The following CNTN5 variants were observed in gnomAD, a reference collection of about 807,000 sequenced individuals.
CNTN5 encodes contactin-5.
A neutral mutation model predicts 129.1 loss-of-function variants in CNTN5; 77 were observed. The observed-to-expected ratio is 0.60, with a 90% confidence interval of 0.50 to 0.72. The LOEUF is 0.72. Ranked by LOEUF, CNTN5 falls within the 30% of genes least tolerant of loss-of-function variation. The pLI is 0.00. For missense variants in CNTN5, 1,478 were observed against 1,328.8 expected (o/e 1.11, Z -1.75); for synonymous variants, 509 against 465.6 (o/e 1.09, Z -1.20).
intron 13 of CNTN5, among the ~76,000 whole-genome samples, chr11:100,119,067 C>G (rs1945930180): frequency 6.6e-6 from 1 of 151,310 alleles, no homozygotes; most frequent in Non-Finnish European, 1.5e-5. Context: ...AAAGAATATA[C>G]CAGACATTCT....
chr11:100,290,223 C>A (rs553542148), intron 18 of CNTN5, among the ~76,000 whole-genome samples: 3 of 151,622 alleles, frequency 2.0e-5, no homozygotes, highest in East Asian at 1.9e-4. Context: ...ATCAAGCTAC[C>A]AATGCCTTTC....
At chr11:99,180,998 G>C (rs541497400) in intron 1 of CNTN5, among the ~76,000 whole-genome samples, 1 of 152,310 alleles carries the variant, frequency 6.6e-6, no homozygotes, top group Non-Finnish European at 1.5e-5. Flanking sequence ...CGTAAGTCCA[G>C]TGCTACTATC....
intron 18 of CNTN5, among the ~76,000 whole-genome samples, chr11:100,289,737 A>G (rs1462964632): frequency 2.0e-5 from 3 of 150,508 alleles, no homozygotes; most frequent in Non-Finnish European, 4.4e-5. Flanking sequence ...CCTATTCAAC[A>G]TAGTGTTGGA....
intron 4 of CNTN5, among the ~76,000 whole-genome samples, chr11:99,835,530 T>G (rs1307103092): frequency 2.6e-5 from 4 of 152,006 alleles, no homozygotes; most frequent in Non-Finnish European, 4.4e-5. Flanking sequence ...ATTACATGAG[T>G]CTATAGTGAA....
At chr11:100,158,766 A>T (rs1947341491) in intron 13 of CNTN5, among the ~76,000 whole-genome samples, 1 of 151,898 alleles carries the variant, frequency 6.6e-6, no homozygotes, top group South Asian at 2.1e-4. Flanking sequence ...ACCACTCCAG[A>T]GACAGTTTGG....
intron 3 of CNTN5, among the ~76,000 whole-genome samples, chr11:99,807,876 C>G (rs185940232): frequency 6.6e-6 from 1 of 151,900 alleles, no homozygotes; most frequent in Admixed American, 6.6e-5. Flanking sequence ...TTCTGTAGTG[C>G]GCATATATTT....
At chr11:100,130,482 C>T (rs1946340075) in intron 13 of CNTN5, among the ~76,000 whole-genome samples, 1 of 152,012 alleles carries the variant, frequency 6.6e-6, no homozygotes, top group Non-Finnish European at 1.5e-5. Context: ...TATAAAAGTA[C>T]TGAAGTGAGA....
At chr11:100,344,449 T>C (rs1952234944) in intron 23 of CNTN5, among the ~76,000 whole-genome samples, 1 of 152,006 alleles carries the variant, frequency 6.6e-6, no homozygotes, top group South Asian at 2.1e-4. Flanking sequence ...AGAAACTGGA[T>C]CTCATAAAGA....
chr11:99,435,436 T>C (rs1325191358), intron 2 of CNTN5, among the ~76,000 whole-genome samples: 1 of 152,176 alleles, frequency 6.6e-6, no homozygotes, highest in Non-Finnish European at 1.5e-5. Flanking sequence ...ACAGGGGTTC[T>C]ACACACTAGC....
intron 3 of CNTN5, among the ~76,000 whole-genome samples, chr11:99,785,090 A>T (rs1945469862): frequency 6.6e-6 from 1 of 151,980 alleles, no homozygotes; most frequent in Non-Finnish European, 1.5e-5. Context: ...AAGTGCTGGG[A>T]TTACAGGCGT....
chr11:99,860,948 T>TATGTCTTC (rs1948184265), intron 6 of CNTN5, among the ~76,000 whole-genome samples: 1 of 108,382 alleles, frequency 9.2e-6, no homozygotes, highest in African/African-American at 3.4e-5. Flanking sequence ...GAATATGTCT[T>TATGTCTTC]CATTTTTTTT....
At chr11:99,239,418 A>C (rs1333463162) in intron 1 of CNTN5, among the ~76,000 whole-genome samples, 1 of 152,326 alleles carries the variant, frequency 6.6e-6, no homozygotes, top group African/African-American at 2.4e-5. Context: ...TTAATGGAAC[A>C]TTTTTTGATA....
chr11:100,233,577 A>G (rs1043534931), intron 16 of CNTN5, among the ~76,000 whole-genome samples: 9 of 152,182 alleles, frequency 5.9e-5, no homozygotes, highest in African/African-American at 1.9e-4. Flanking sequence ...ATGACTTTCT[A>G]TGTTACACCT....
At chr11:99,537,207 G>A (rs1406026512) in intron 2 of CNTN5, among the ~76,000 whole-genome samples, 2 of 152,158 alleles carry the variant, frequency 1.3e-5, no homozygotes, top group Non-Finnish European at 2.9e-5. Flanking sequence ...ATCCTGTTCT[G>A]CTTAGGAAGA....
intron 3 of CNTN5, among the ~76,000 whole-genome samples, chr11:99,746,754 G>T (rs901260794): frequency 1.3e-5 from 2 of 152,170 alleles, no homozygotes; most frequent in African/African-American, 2.4e-5. Flanking sequence ...GACGAAACCA[G>T]CCCTGTGTGG....
intron 2 of CNTN5, among the ~76,000 whole-genome samples, chr11:99,383,130 C>T (rs1940702911): frequency 6.6e-6 from 1 of 152,036 alleles, no homozygotes; most frequent in Non-Finnish European, 1.5e-5. Flanking sequence ...GCTGGGATAA[C>T]AGGCAGGAGC....
intron 3 of CNTN5, among the ~76,000 whole-genome samples, chr11:99,656,467 A>G (rs1486612636): frequency 6.6e-6 from 1 of 152,174 alleles, no homozygotes; most frequent in Non-Finnish European, 1.5e-5. Context: ...AGAGGAAAGA[A>G]AGCTAAATGC....
intron 2 of CNTN5, among the ~76,000 whole-genome samples, chr11:99,335,381 C>T (rs992740600): frequency 1.3e-5 from 2 of 151,890 alleles, no homozygotes; most frequent in Admixed American, 6.6e-5. Context: ...ATATGGTGCC[C>T]ATGCTAAAAA....
rs537586339 is a variant in CNTN5, at chr11:99,477,348, G to A, written c.-70-78797G>A. 5.3e-5 allele frequency among the ~76,000 whole-genome samples: 8 copies of A among 151,836 alleles called. No individual in the cohort carries two copies. The South Asian group carries it at 1.7e-3, about 32-fold the overall frequency. ...AAAATTTTGTTTTTGTAGGGATCTT[G>A]TATTCTGTGATGAATCTAGTATTTT... On this transcript the variant is annotated intron_variant, in intron 2 of 24. Transcript: ENST00000524871.
Sources: gnomAD v4.1 joint callset for allele counts (sites outside exome capture counted in the v4.1 genomes callset) on GRCh38, gnomAD v4.1.1 for gene constraint, MANE v1.5 for transcripts, NCBI Gene and HGNC (gene_info 2026-07-23, HGNC 2026-07-21) for gene names.